ANKFN1: variants seen among roughly 807,000 people sequenced by gnomAD.
The protein encoded by ANKFN1 is ankyrin repeat and fibronectin type-III domain-containing protein 1.
Under a neutral mutation model 108.7 loss-of-function variants are expected in ANKFN1, and 74 were observed. The ratio of observed to expected loss-of-function variants is 0.68; its 90% CI spans 0.56 to 0.83. ANKFN1 has a LOEUF of 0.83. Among genes scored for constraint, ANKFN1 ranks in the 40% least tolerant of loss-of-function variants. ANKFN1 has a pLI of 0.00. For synonymous variants in ANKFN1, 547 were observed against 516.2 expected (o/e 1.06, Z -0.81); for missense variants, 1,505 against 1,382.3 (o/e 1.09, Z -1.41).
chr17:56,162,680 A>G (rs1909772629), intron 1 of ANKFN1, among the ~76,000 whole-genome samples: 1 of 152,216 alleles, frequency 6.6e-6, no homozygotes, highest in Admixed American at 6.5e-5. Context: ...CATGTTGTAA[A>G]CACAAATGAG....
At chr17:56,405,461 A>G (rs2047893188) in intron 8 of ANKFN1, among the ~76,000 whole-genome samples, 1 of 152,204 alleles carries the variant, frequency 6.6e-6, no homozygotes, top group Non-Finnish European at 1.5e-5. Context: ...TGTCACCCTT[A>G]TGGAGAGTAG....
At chr17:56,432,083 G>A (rs1302954034) in intron 8 of ANKFN1, among the ~76,000 whole-genome samples, 1 of 152,176 alleles carries the variant, frequency 6.6e-6, no homozygotes, top group Non-Finnish European at 1.5e-5. Flanking sequence ...GGTGTGGTGG[G>A]GTTAGCAGCC....
chr17:56,197,944 A>G (rs1258200848), intron 1 of ANKFN1, among the ~76,000 whole-genome samples: 1 of 152,194 alleles, frequency 6.6e-6, no homozygotes, highest in Non-Finnish European at 1.5e-5. Flanking sequence ...CAAGAGGTCG[A>G]GGCTACAGTG....
intron 3 of ANKFN1, among the ~76,000 whole-genome samples, chr17:56,310,323 A>T (rs1361044598): frequency 6.6e-6 from 1 of 152,236 alleles, no homozygotes; most frequent in Non-Finnish European, 1.5e-5. Context: ...GTGCTTTTGC[A>T]AATTAAAAAT....
Position 56,063,995 on chromosome 17 carries a change from C to G in ANKFN1, c.288+17670C>G, listed in dbSNP as rs377082714. On this transcript the variant is annotated intron_variant, in intron 4 of 12. Coordinates refer to the ANKFN1 transcript ENST00000635860. ...TTACTTTTCTTTCAATGGCCAGGTC[C>G]CTCTTCTGTAGGGCTGCTGCAGTTT... Among the ~76,000 whole-genome samples, 20 of 152,202 alleles carry G rather than the reference C, an allele frequency of 1.3e-4. 1 individual carries two copies. Among genetic ancestry groups the G allele is most frequent in the African/African-American group, 4.8e-4 (20 of 41,528 alleles).
chr17:56,199,855 C>T (rs1913887349), intron 1 of ANKFN1, among the ~76,000 whole-genome samples: 1 of 152,276 alleles, frequency 6.6e-6, no homozygotes, highest in South Asian at 2.1e-4. Flanking sequence ...CACTGGGAAT[C>T]CTGTGTTTTT....
At chr17:56,161,326 A>G (rs975522330) in intron 1 of ANKFN1, among the ~76,000 whole-genome samples, 2 of 152,192 alleles carry the variant, frequency 1.3e-5, no homozygotes, top group African/African-American at 4.8e-5. Flanking sequence ...GTTCTTGTTT[A>G]CTAATTGAGA....
intron 3 of ANKFN1, among the ~76,000 whole-genome samples, chr17:56,238,450 G>A (rs1414756765): frequency 1.1e-4 from 16 of 152,076 alleles, no homozygotes; most frequent in Admixed American, 9.2e-4. Context: ...CTTGCTTTAC[G>A]AATCAAGGTG....
chr17:56,168,993 G>T (rs2143550729), intron 1 of ANKFN1, among the ~76,000 whole-genome samples: 1 of 152,254 alleles, frequency 6.6e-6, no homozygotes, highest in South Asian at 2.1e-4. Context: ...AATATGGAGG[G>T]AACCGAGCCT....
chr17:56,371,629 T>C, intron 6 of ANKFN1, among the ~76,000 whole-genome samples: 1 of 152,232 alleles, frequency 6.6e-6, no homozygotes, highest in East Asian at 1.9e-4. Flanking sequence ...TTGACTGTTC[T>C]GTGATCCCCT....
intron 3 of ANKFN1, among the ~76,000 whole-genome samples, chr17:56,269,413 G>A (rs2043735118): frequency 6.6e-6 from 1 of 152,192 alleles, no homozygotes; most frequent in Non-Finnish European, 1.5e-5. Context: ...AGGTAATGGA[G>A]GAGTTGTCAC....
At chr17:56,289,356 G>T (rs537990295) in intron 3 of ANKFN1, among the ~76,000 whole-genome samples, 1 of 152,180 alleles carries the variant, frequency 6.6e-6, no homozygotes, top group Non-Finnish European at 1.5e-5. Context: ...CATCACTTAG[G>T]TCTGACTAGA....
chr17:56,424,374 T>C (rs1211704801), intron 8 of ANKFN1, among the ~76,000 whole-genome samples: 3 of 152,108 alleles, frequency 2.0e-5, no homozygotes, highest in African/African-American at 7.2e-5. Flanking sequence ...CAGACCTGGG[T>C]TCAAAATCTG....
chr17:56,199,042 A>T (rs1038432329), intron 1 of ANKFN1, among the ~76,000 whole-genome samples: 1 of 152,232 alleles, frequency 6.6e-6, no homozygotes, highest in Non-Finnish European at 1.5e-5. Context: ...AATACTAAAA[A>T]ATAAATTTTG....
chr17:56,439,327 TTTAAGTCCC>T (rs2049026830), intron 8 of ANKFN1, among the ~76,000 whole-genome samples: 1 of 152,194 alleles, frequency 6.6e-6, no homozygotes, highest in Admixed American at 6.5e-5. Flanking sequence ...TCCCATGGGA[TTTAAGTCCC>T]TTAAGTCCCT....
intron 3 of ANKFN1, among the ~76,000 whole-genome samples, chr17:56,242,092 A>G (rs1486003666): frequency 1.3e-5 from 2 of 150,964 alleles, no homozygotes; most frequent in African/African-American, 4.8e-5. Flanking sequence ...TAAACCACAG[A>G]AAATGAAACT....
At chr17:56,417,739 T>A (rs570847291) in intron 8 of ANKFN1, among the ~76,000 whole-genome samples, 2 of 152,342 alleles carry the variant, frequency 1.3e-5, no homozygotes, top group Non-Finnish European at 2.9e-5. Context: ...AGTGTGTCTG[T>A]GGGAGGAGGG....
At chr17:56,216,674 CA>C (rs1915446746) in intron 2 of ANKFN1, among the ~76,000 whole-genome samples, 1 of 152,134 alleles carries the variant, frequency 6.6e-6, no homozygotes, top group African/African-American at 2.4e-5. Flanking sequence ...AAATGGGAGC[CA>C]AAAGACCTAA....
rs1568026355 is a variant in ANKFN1, at chr17:56,467,794, GA to G, written c.1773+1226del. Among the ~76,000 whole-genome samples, 5 of 15,944 alleles carry G rather than the reference GA, an allele frequency of 3.1e-4. No homozygotes were observed. In the East Asian group the frequency reaches 0.034, roughly 108 times the overall value. The allele number at this position is 15,944 out of a possible 152,430, so 10.5% of individuals were successfully genotyped here. On this transcript the variant is annotated intron_variant, in intron 15 of 20. Coordinates refer to ENST00000682825, the MANE Select transcript of ANKFN1 (RefSeq NM_001370326.1). Reference sequence around the variant, plus strand: ...AAGAAAGAAAGAAAGAAAGAAAGAAGAAAGAAAGAAAGAAAGAAAGAAAGAA... The same window carrying G: ...AAGAAAGAAAGAAAGAAAGAAAGAAGAAGAAAGAAAGAAAGAAAGAAAGAA...
Sources: gnomAD v4.1 joint callset for allele counts (sites outside exome capture counted in the v4.1 genomes callset) on GRCh38, gnomAD v4.1.1 for gene constraint, MANE v1.5 for transcripts, NCBI Gene and HGNC (gene_info 2026-07-23, HGNC 2026-07-21) for gene names.